Variants in RC3H2 observed in about 807,000 individuals in gnomAD.
The protein encoded by RC3H2 is roquin-2.
In RC3H2, 31 loss-of-function variants were observed where a neutral mutation model predicts 133.3. That is an observed-to-expected ratio of 0.23 (90% CI 0.17 to 0.31). The LOEUF (loss-of-function observed/expected upper bound fraction) is 0.31, where lower values mean the gene tolerates loss of function less well. Ranked by LOEUF, RC3H2 falls within the 10% of genes least tolerant of loss-of-function variation. The pLI, the probability that RC3H2 is intolerant of heterozygous loss-of-function variation, is 1.00. For missense variants in RC3H2, 1,175 were observed against 1,437.2 expected, an observed-to-expected ratio of 0.82 and a Z score of 2.95; for synonymous variants, 517 against 502.2, an observed-to-expected ratio of 1.03 and a Z score of -0.40.
At position 122,855,248 on chromosome 9, in the gene RC3H2, A is replaced by G; in HGVS notation, c.2751T>C (p.His917=). 1 of 1,614,126 alleles carries G rather than the reference A, an allele frequency of 6.2e-7. No homozygotes were observed. Among genetic ancestry groups the G allele is most frequent in the South Asian group, 1.1e-5 (1 of 91,076 alleles). ...AISRSSRTGY[H]TTDPVQATAS... ...CAGTGGCCTGGACAGGATCTGTGGT[A>G]TGGTAACCTGTACGGGAAGATCTGG... The change falls in exon 15 of 21, where the codon CAT becomes CAC. Residue 917 remains histidine, a synonymous_variant. Coordinates refer to ENST00000357244, the MANE Select transcript of RC3H2 (RefSeq NM_001100588.3).
intron 2 of RC3H2, among the ~76,000 whole-genome samples, chr9:122,896,799 G>A (rs1772304232): frequency 6.6e-6 from 1 of 152,028 alleles, no homozygotes; most frequent in African/African-American, 2.4e-5. Flanking sequence ...GAGGTGGGCG[G>A]ATCACCTGAC....
intron 9 of RC3H2, among the ~76,000 whole-genome samples, chr9:122,868,935 CTT>C (rs1830923770): frequency 8.2e-6 from 1 of 122,078 alleles, no homozygotes; most frequent in Non-Finnish European, 1.6e-5. Context: ...AAGTTCCACT[CTT>C]GTCGCCCAGG....
intron 4 of RC3H2, among the ~76,000 whole-genome samples, chr9:122,887,741 C>CTTTTTT (rs112010654): frequency 7.6e-5 from 9 of 118,064 alleles, no homozygotes; most frequent in South Asian, 2.8e-4. Context: ...ATACTTGTAT[C>CTTTTTT]TTTTTTTTTT....
At chr9:122,880,563 A>T in intron 6 of RC3H2, 31 bp downstream of exon 6, 1 of 1,521,830 alleles carries the variant, frequency 6.6e-7, no homozygotes. Context: ...AACAGCAATG[A>T]TAGAACATCA....
chr9:122,890,295 A>G lies in RC3H2; in HGVS notation c.583+17T>C. The G allele has an allele frequency of 6.2e-7, 1 of 1,607,724 alleles. No homozygotes were observed. The highest frequency in any genetic ancestry group is 1.1e-5 in the South Asian group (1 of 90,788). On this transcript the variant is annotated intron_variant, in intron 4 of 20. Transcript: ENST00000357244. The stretch of plus-strand genomic sequence containing the variant: ...CCCAATAGCTAATAAAAAAGGTAAG[A>G]TAGTAACCTATCTTACCTGGCCCTA...
At chr9:122,891,937 T>G (rs1014748825) in intron 3 of RC3H2, among the ~76,000 whole-genome samples, 20 of 152,230 alleles carry the variant, frequency 1.3e-4, no homozygotes, top group Admixed American at 1.0e-3. Context: ...GGCTCCATGA[T>G]GGCAGTGACC....
rs1173607006 is a variant in RC3H2 at position 122,858,692 on chromosome 9, T to C, written c.2260A>G (p.Arg754Gly). Residue 754 changes from arginine (R) to glycine (G), a missense_variant, in exon 12 of 21, where the codon AGG becomes GGG. This residue lies in a region of RC3H2 where 490 missense variants were observed against 492.8 expected (regional missense o/e 0.99). Coordinates refer to ENST00000357244, the MANE Select transcript of RC3H2 (RefSeq NM_001100588.3). The part of the protein sequence containing the change: ...SVACQPPSEP[R>G]TTVPLPREPC... The stretch of plus-strand genomic sequence containing the variant: ...ACCCTTGGTAAAGGCACAGTTGTCC[T>C]TGGCTCACTTGGTGGCTGACAAGCC... The C allele has an allele frequency of 1.2e-6, 2 of 1,611,398 alleles. No individual in the cohort carries two copies. The highest frequency in any genetic ancestry group is 3.3e-5 in the Admixed American group (2 of 60,018).
At chr9:122,892,379 C>T (rs1183346671) in intron 3 of RC3H2, among the ~76,000 whole-genome samples, 3 of 151,996 alleles carry the variant, frequency 2.0e-5, no homozygotes, top group Non-Finnish European at 4.4e-5. Context: ...TTATAAAGTG[C>T]TCAGATTACA....
chr9:122,855,127 A>T, intron 15 of RC3H2, 57 bp downstream of exon 15: 1 of 1,322,652 alleles, frequency 7.6e-7, no homozygotes, highest in Non-Finnish European at 1.0e-6. Context: ...AAAAAAAAAA[A>T]AAAAAAAGGC....
chr9:122,883,188 G>A lies in RC3H2; in HGVS notation c.759+16C>T. 2 of 1,606,970 alleles carry A rather than the reference G, an allele frequency of 1.2e-6. No individual in the cohort carries two copies. The highest frequency in any genetic ancestry group is 1.7e-6 in the Non-Finnish European group (2 of 1,177,110). ...TCACAAACAGGCATGTCTTTACATA[G>A]ATACTTACTGCTTACCTTAAAACAA... On this transcript the variant is annotated intron_variant, in intron 5 of 20. Coordinates refer to ENST00000357244, the MANE Select transcript of RC3H2 (RefSeq NM_001100588.3).
At chr9:122,898,440 T>C (rs554101969) in intron 1 of RC3H2, among the ~76,000 whole-genome samples, 2 of 152,224 alleles carry the variant, frequency 1.3e-5, no homozygotes, top group South Asian at 4.1e-4. Flanking sequence ...TGAGAGAATT[T>C]TTCTTATTTC....
At chr9:122,879,152 T>C (rs1831480870) in intron 8 of RC3H2, among the ~76,000 whole-genome samples, 1 of 151,464 alleles carries the variant, frequency 6.6e-6, no homozygotes, top group Non-Finnish European at 1.5e-5. Flanking sequence ...TCCCAGCACT[T>C]TGGGAGGCCG....
chr9:122,875,129 T>C, intron 9 of RC3H2: 1 of 1,495,376 alleles, frequency 6.7e-7, no homozygotes, highest in Non-Finnish European at 8.9e-7. Flanking sequence ...TATATAGAAC[T>C]AGTTCGATTG....
chr9:122,848,758 T>C lies in RC3H2; in HGVS notation c.*869A>G, dbSNP rs1016791386. 3 of 152,176 alleles carry C rather than the reference T, an allele frequency of 2.0e-5. No individual in the cohort carries two copies. Among genetic ancestry groups the C allele is most frequent in the Non-Finnish European group, 2.9e-5 (2 of 68,002 alleles). 9.4% of individuals were successfully genotyped at this position (152,176 alleles called of 1,614,324 possible). A position where few individuals can be genotyped will look rare whatever the true frequency, so the allele number is the denominator to read the frequency against. On this transcript the variant is annotated 3_prime_UTR_variant, in exon 21 of 21. Transcript: ENST00000357244. ...CTGATTCTTTTGCCAAGTCATCAGA[T>C]TCAATAATGTACAGGCTTAAATCTG...
chr9:122,856,102 A>T (rs915111141), intron 13 of RC3H2, among the ~76,000 whole-genome samples: 1 of 152,216 alleles, frequency 6.6e-6, no homozygotes, highest in Admixed American at 6.5e-5. Context: ...CTCATATGGA[A>T]CATTTGACTA....
intron 1 of RC3H2, among the ~76,000 whole-genome samples, chr9:122,900,705 A>T (rs1021891260): frequency 6.6e-6 from 1 of 152,208 alleles, no homozygotes; most frequent in Non-Finnish European, 1.5e-5. Context: ...CTACTGAAGT[A>T]TTCTTCTCAA....
chr9:122,884,077 C>T (rs898589617), intron 4 of RC3H2, among the ~76,000 whole-genome samples: 1 of 151,984 alleles, frequency 6.6e-6, no homozygotes, highest in African/African-American at 2.4e-5. Flanking sequence ...GGCGGATCAC[C>T]AGGTCAGGAG....
At position 122,880,798 on chromosome 9, in the gene RC3H2, A is replaced by C; in HGVS notation, c.760-4T>G. The stretch of plus-strand genomic sequence containing the variant: ...AGTCTTCATCTCTTTTGGTAACCTA[A>C]AAAATAGAAAAGAGAAAAATCAGAA... On this transcript the variant is annotated splice_region_variant and splice_polypyrimidine_tract_variant and intron_variant, in intron 5 of 20. Transcript: ENST00000357244. 6.2e-7 allele frequency: 1 copy of C among 1,608,714 alleles called. No homozygotes were observed. The highest frequency in any genetic ancestry group is 1.3e-5 in the African/African-American group (1 of 74,952).
At chr9:122,879,649 TTA>T in intron 8 of RC3H2, 104 bp downstream of exon 8, 1 of 738,148 alleles carries the variant, frequency 1.4e-6, no homozygotes, top group Non-Finnish European at 2.3e-6. Context: ...TGATAGAAAC[TTA>T]TGAGTCACAT....
Sources: gnomAD v4.1 joint callset for allele counts (sites outside exome capture counted in the v4.1 genomes callset) on GRCh38, gnomAD v4.1.1 for gene constraint, gnomAD v4.1.1 regional missense constraint, MANE v1.5 for transcripts, NCBI Gene and HGNC (gene_info 2026-07-23, HGNC 2026-07-21) for gene names.